Variants in PPEF2 observed in about 807,000 individuals in gnomAD.
PPEF2 encodes the protein protein phosphatase with EF-hand domain 2, also known as serine/threonine-protein phosphatase with EF-hands 2.
PPEF2 carries 84 observed loss-of-function variants against 84.7 expected under a neutral mutation model. The ratio of observed to expected loss-of-function variants is 0.99; its 90% CI spans 0.83 to 1.19. The LOEUF is 1.19. Among genes scored for constraint, PPEF2 ranks in the 50% most tolerant of loss-of-function variants. The pLI, the probability that PPEF2 is intolerant of heterozygous loss-of-function variation, is 0.00. For synonymous variants in PPEF2, 346 were observed against 345.2 expected, an observed-to-expected ratio of 1.00 and a Z score of -0.03; for missense variants, 924 against 937.5, an observed-to-expected ratio of 0.99 and a Z score of 0.19.
chr4:75,866,273 T>G lies in PPEF2; in HGVS notation c.1836A>C (p.Pro612=), dbSNP rs1724128850. The change falls in exon 15 of 17, where the codon CCA becomes CCC. Residue 612 remains proline (P), a synonymous_variant. Coordinates refer to ENST00000286719, the MANE Select transcript of PPEF2 (RefSeq NM_006239.3). ...TGTCTGCTGAGCTGTTCACCAGCTG[T>G]GGCCTCAGCATCCGCCATGGCAGTC... The part of the protein sequence containing the change: ...HLGLPWRMLR[P]QLVNSSADNM... 6.2e-7 allele frequency: 1 copy of G among 1,614,070 alleles called. No homozygotes were observed. The highest frequency in any genetic ancestry group is 1.7e-5 in the Admixed American group (1 of 59,992).
chr4:75,876,408 C>T lies in PPEF2; in HGVS notation c.1199G>A (p.Arg400Gln). The T allele has an allele frequency of 1.9e-6, 3 of 1,614,156 alleles. No homozygotes were observed. Among genetic ancestry groups the T allele is most frequent in the Non-Finnish European group, 2.5e-6 (3 of 1,180,030 alleles). Residue 400 changes from arginine to glutamine, a missense_variant, in exon 11 of 17, where the codon CGG (arginine) becomes CAG (glutamine). Physicochemically the swap from Arg to Gln is conservative, Grantham distance 43 (BLOSUM62 1). Transcript: ENST00000286719. ...VRSSVELELE[R>Q]CRQQAGLLVT... is the part of the protein sequence containing the mutation. The stretch of plus-strand genomic sequence containing the variant: ...CAGGAGGCCTGCTTGCTGCCGGCAC[C>T]GCTCTAGCTCCAGTTCCACGGAGCT...
intron 7 of PPEF2, among the ~76,000 whole-genome samples, chr4:75,885,725 C>T (rs1416677721): frequency 2.6e-5 from 4 of 151,980 alleles, no homozygotes; most frequent in African/African-American, 7.2e-5. Flanking sequence ...ATTAGTCCAT[C>T]GTAGGCCAGG....
intron 16 of PPEF2, among the ~76,000 whole-genome samples, chr4:75,864,213 C>G (rs1724074839): frequency 6.6e-6 from 1 of 152,166 alleles, no homozygotes; most frequent in African/African-American, 2.4e-5. Context: ...ATAAGAAGCT[C>G]TCATTCAGTT....
intron 11 of PPEF2, 50 bp downstream of exon 11, chr4:75,876,237 T>C (rs2047982): frequency 6.5e-7 from 1 of 1,534,842 alleles, no homozygotes; most frequent in Non-Finnish European, 8.8e-7. Context: ...AGGGAGAGTT[T>C]TGACCTGTTG....
chr4:75,897,377 A>G (rs1176403985), intron 1 of PPEF2, among the ~76,000 whole-genome samples: 1 of 152,142 alleles, frequency 6.6e-6, no homozygotes, highest in East Asian at 1.9e-4. Flanking sequence ...ATTTTCAGCT[A>G]TCACTTCCTA....
intron 16 of PPEF2, among the ~76,000 whole-genome samples, chr4:75,861,616 T>TG (rs1724002607): frequency 8.7e-6 from 1 of 115,428 alleles, no homozygotes; most frequent in Admixed American, 1.1e-4. Flanking sequence ...ATGCAACAGT[T>TG]TTTTTTTTTT....
intron 11 of PPEF2, among the ~76,000 whole-genome samples, chr4:75,874,902 CTTTTTTTTT>C (rs547098807): frequency 7.2e-6 from 1 of 138,106 alleles, no homozygotes; most frequent in East Asian, 2.1e-4. Context: ...TTCTTTCTTT[CTTTTTTTTT>C]TTTTTTTTGA....
chr4:75,868,309 C>A (rs563581779), intron 13 of PPEF2, among the ~76,000 whole-genome samples: 1 of 31,840 alleles, frequency 3.1e-5, no homozygotes, highest in Non-Finnish European at 6.7e-5. Context: ...AAGTAAGACC[C>A]TGTCTCAAAA....
intron 8 of PPEF2, 29 bp from the exon 9 acceptor site, chr4:75,883,231 G>A: frequency 6.3e-7 from 1 of 1,594,020 alleles, no homozygotes; most frequent in Non-Finnish European, 8.6e-7. Flanking sequence ...ATAGATATTA[G>A]AGTAAACTGG....
chr4:75,873,625 T>C (rs529163418), intron 11 of PPEF2, among the ~76,000 whole-genome samples: 8 of 152,300 alleles, frequency 5.3e-5, no homozygotes, highest in Admixed American at 2.6e-4. Flanking sequence ...GCTTTGATCA[T>C]GGCCAGTAGT....
chr4:75,900,495 G>A (rs1018344082), intron 1 of PPEF2, among the ~76,000 whole-genome samples: 1 of 152,168 alleles, frequency 6.6e-6, no homozygotes, highest in Admixed American at 6.5e-5. Flanking sequence ...TGTGGAAGGG[G>A]AAAAGGGGTA....
intron 8 of PPEF2, 45 bp downstream of exon 8, chr4:75,884,549 T>G: frequency 3.3e-6 from 5 of 1,506,552 alleles, no homozygotes; most frequent in Non-Finnish European, 4.5e-6. Flanking sequence ...ATTTTACAAT[T>G]ACAACAAACA....
At chr4:75,870,675 G>A (rs2149216167) in intron 13 of PPEF2, among the ~76,000 whole-genome samples, 1 of 152,228 alleles carries the variant, frequency 6.6e-6, no homozygotes, top group South Asian at 2.1e-4. Flanking sequence ...CCTCGGTCAA[G>A]GACTACCTTC....
chr4:75,873,282 C>A lies in PPEF2; in HGVS notation c.1351G>T (p.Ala451Ser). The change falls in exon 12 of 17, where the codon GCT (alanine) becomes TCT (serine). Residue 451 changes from alanine (A) to serine (S), a missense_variant. Transcript: ENST00000286719. Reference sequence around the variant, plus strand: ...GTGTTGGCCTTGCAGCCCTCTTGAGCCATGGGATCACTCCACAGGATATCT... The same window carrying A: ...GTGTTGGCCTTGCAGCCCTCTTGAGACATGGGATCACTCCACAGGATATCT... Reference protein sequence around the residue: ...VVDILWSDPMAQEGCKANTIR... With the variant: ...VVDILWSDPMSQEGCKANTIR... 1 of 1,613,886 alleles carries A rather than the reference C, an allele frequency of 6.2e-7. No homozygotes were observed. The highest frequency in any genetic ancestry group is 8.5e-7 in the Non-Finnish European group (1 of 1,179,950).
chr4:75,880,963 CTAAT>C (rs1724556128), intron 10 of PPEF2, among the ~76,000 whole-genome samples: 1 of 151,802 alleles, frequency 6.6e-6, no homozygotes, highest in African/African-American at 2.4e-5. Context: ...CCATGCCCGG[CTAAT>C]TTTTTTGTAT....
rs768827749 is a variant in PPEF2, at chr4:75,889,907, CA to C, written c.417+49del. ...TTCTGTGCTGGGTTTCGTCTCCCTT[CA>C]CACATTTCATGGAGTTGGTAGTGAC... On this transcript the variant is annotated intron_variant, in intron 5 of 16. Coordinates refer to ENST00000286719, the MANE Select transcript of PPEF2 (RefSeq NM_006239.3). The C allele has an allele frequency of 2.5e-6, 4 of 1,592,060 alleles. No individual in the cohort carries two copies. The South Asian group carries it at 3.3e-5, about 13-fold the overall frequency.
rs1724294002 is a variant in PPEF2, at chr4:75,872,071, G to A, written c.1603C>T (p.Gln535Ter). The change falls in exon 13 of 17, where the codon CAG becomes TAG. Residue 535 changes from glutamine to a stop codon, truncating the protein, a stop_gained. Transcript: ENST00000286719. LOFTEE classifies it high-confidence loss of function. ...TGGGTCACCTTGTTAGCTTGATACT[G>A]CACAATATGTGGGGTCAGGGCTGGC... ...LGPALTPHIV[Q>*]YQANKVTHTL... is the part of the protein sequence containing the mutation. The A allele has an allele frequency of 1.9e-6, 3 of 1,613,576 alleles. No homozygotes were observed. The South Asian group carries it at 3.3e-5, about 18-fold the overall frequency.
chr4:75,868,705 C>CA (rs1386300697), intron 13 of PPEF2, among the ~76,000 whole-genome samples: 1 of 152,000 alleles, frequency 6.6e-6, no homozygotes, highest in Middle Eastern at 3.2e-3. Context: ...TCAAAAAACA[C>CA]AAAAAACTGT....
chr4:75,890,488 C>CAAAAAAAAAAAA (rs10710879), intron 4 of PPEF2, among the ~76,000 whole-genome samples: 2 of 124,596 alleles, frequency 1.6e-5, no homozygotes, highest in Non-Finnish European at 3.4e-5. Context: ...GACCCTGTCT[C>CAAAAAAAAAAAA]AAAAAAAAAA....
Sources: allele counts gnomAD v4.1 joint callset (sites outside exome capture counted in the v4.1 genomes callset), GRCh38; gene constraint gnomAD v4.1.1; transcripts MANE v1.5; gene names NCBI Gene and HGNC (gene_info 2026-07-23, HGNC 2026-07-21).